The following FRMD5 variants were observed in gnomAD, a reference collection of about 807,000 sequenced individuals.
The protein encoded by FRMD5 is FERM domain containing 5.
A neutral mutation model predicts 69.0 loss-of-function variants in FRMD5; 20 were observed. The observed-to-expected ratio is 0.29, with a 90% CI of 0.20 to 0.42. The LOEUF is 0.42. Ranked by LOEUF, FRMD5 falls within the 10% of genes least tolerant of loss-of-function variation. The pLI, the probability that FRMD5 is intolerant of heterozygous loss-of-function variation, is 1.00. For missense variants in FRMD5, 595 were observed against 708.6 expected, an observed-to-expected ratio of 0.84 and a Z score of 1.82; for synonymous variants, 271 against 260.1, an observed-to-expected ratio of 1.04 and a Z score of -0.40.
intron 1 of FRMD5, among the ~76,000 whole-genome samples, chr15:44,076,336 T>C (rs1013136846): frequency 6.0e-5 from 9 of 150,662 alleles, no homozygotes; most frequent in African/African-American, 9.8e-5. Flanking sequence ...ATGTTTATTG[T>C]GGCATTATTC....
chr15:43,924,221 T>C lies in FRMD5; in HGVS notation c.191A>G (p.Asp64Gly), dbSNP rs2089543112. ...TTGACTTACCCGCTGCTTATCTGGGTCTACAAAGCGGATACCAAAATAGTC... is the reference window on the plus strand; with the variant it reads ...TTGACTTACCCGCTGCTTATCTGGGCCTACAAAGCGGATACCAAAATAGTC... ...EKDYFGIRFV[D>G]PDKQRHWLEF... Residue 64 changes from aspartate to glycine, a missense_variant, in exon 2 of 14, where the codon GAC (aspartate) becomes GGC (glycine). Asp to Gly is a moderately conservative substitution (Grantham distance 94, BLOSUM62 -1). This residue lies in a region of FRMD5 where 79 missense variants were observed against 139.9 expected (regional missense o/e 0.56). Coordinates refer to ENST00000417257, the MANE Select transcript of FRMD5 (RefSeq NM_032892.5). The C allele has an allele frequency of 1.9e-6, 3 of 1,613,636 alleles. No homozygotes were observed. The highest frequency in any genetic ancestry group is 1.7e-6 in the Non-Finnish European group (2 of 1,179,648).
rs151250700 is a variant in FRMD5 at position 44,120,818 on chromosome 15, G to A, written c.102+74135C>T. 7.9e-5 allele frequency among the ~76,000 whole-genome samples: 12 copies of A among 152,008 alleles called. No homozygotes were observed. In the East Asian group the frequency reaches 1.4e-3, roughly 17 times the overall value. ...GCTGGGACTACAGGCGTGAGCCACC[G>A]TGCCCAGCCGGGAAGAGTGGATTTT... is the stretch of plus-strand genomic sequence containing the variant. On this transcript the variant is annotated intron_variant, in intron 1 of 13. Transcript: ENST00000417257.
intron 1 of FRMD5, among the ~76,000 whole-genome samples, chr15:44,107,976 T>C (rs1339570417): frequency 1.3e-5 from 2 of 152,188 alleles, no homozygotes; most frequent in African/African-American, 4.8e-5. Flanking sequence ...TGGATTTTGT[T>C]AAGTAGTCAT....
intron 1 of FRMD5, among the ~76,000 whole-genome samples, chr15:44,019,788 A>G (rs1471431017): frequency 6.6e-6 from 1 of 151,124 alleles, no homozygotes; most frequent in Non-Finnish European, 1.5e-5. Context: ...GAAAAAAGAA[A>G]GAAAGAAAAA....
At chr15:43,874,715 C>T (rs1350249817) in intron 13 of FRMD5, among the ~76,000 whole-genome samples, 3 of 152,048 alleles carry the variant, frequency 2.0e-5, no homozygotes, top group East Asian at 1.9e-4. Context: ...GCCTGGCCAA[C>T]GTGGTGAAAC....
chr15:43,881,800 A>C (rs543812542), intron 13 of FRMD5, among the ~76,000 whole-genome samples: 6 of 152,314 alleles, frequency 3.9e-5, no homozygotes, highest in South Asian at 4.1e-4. Context: ...GACCATAGGG[A>C]GTTACATACT....
intron 1 of FRMD5, among the ~76,000 whole-genome samples, chr15:43,949,796 A>G (rs1595550603): frequency 6.6e-6 from 1 of 152,142 alleles, no homozygotes; most frequent in Non-Finnish European, 1.5e-5. Flanking sequence ...CCAGGAAAAT[A>G]CCCTGGACAC....
intron 1 of FRMD5, among the ~76,000 whole-genome samples, chr15:43,999,667 T>C (rs1890091978): frequency 6.6e-6 from 1 of 152,028 alleles, no homozygotes; most frequent in East Asian, 1.9e-4. Flanking sequence ...ATTCCACATA[T>C]GTGAGATCAT....
intron 10 of FRMD5, among the ~76,000 whole-genome samples, chr15:43,887,496 T>A (rs1433973922): frequency 6.6e-6 from 1 of 152,236 alleles, no homozygotes; most frequent in Non-Finnish European, 1.5e-5. Context: ...GGCTGCCGAT[T>A]CAGTGAATCC....
chr15:44,159,202 G>A (rs754547953), intron 1 of FRMD5, among the ~76,000 whole-genome samples: 1 of 152,106 alleles, frequency 6.6e-6, no homozygotes, highest in Non-Finnish European at 1.5e-5. Flanking sequence ...TGTACCTAAT[G>A]TCACTGAATT....
intron 4 of FRMD5, among the ~76,000 whole-genome samples, chr15:43,910,801 T>G (rs1414655568): frequency 6.6e-6 from 1 of 152,204 alleles, no homozygotes; most frequent in Non-Finnish European, 1.5e-5. Flanking sequence ...CTTATTTAAT[T>G]CTCACATGAC....
intron 7 of FRMD5, 102 bp downstream of exon 7, chr15:43,902,073 G>C: frequency 1.2e-6 from 1 of 800,832 alleles, no homozygotes; most frequent in Non-Finnish European, 2.2e-6. Context: ...TGCCAGCCAT[G>C]TAAACGTTGA....
At chr15:43,936,529 C>T (rs1430425999) in intron 1 of FRMD5, among the ~76,000 whole-genome samples, 2 of 152,076 alleles carry the variant, frequency 1.3e-5, no homozygotes, top group African/African-American at 4.8e-5. Flanking sequence ...TGACTATGAC[C>T]AGGCTAATTA....
intron 1 of FRMD5, among the ~76,000 whole-genome samples, chr15:44,042,199 C>A (rs543146950): frequency 6.6e-6 from 1 of 152,086 alleles, no homozygotes; most frequent in Non-Finnish European, 1.5e-5. Flanking sequence ...GGATAAATTC[C>A]GGGACACATA....
At chr15:43,897,423 G>A (rs1233168224) in intron 7 of FRMD5, among the ~76,000 whole-genome samples, 3 of 142,618 alleles carry the variant, frequency 2.1e-5, no homozygotes, top group Admixed American at 7.4e-5. Flanking sequence ...GGAGGCAGAG[G>A]TTGCAGTGAG....
At chr15:44,055,299 C>T (rs1220838205) in intron 1 of FRMD5, among the ~76,000 whole-genome samples, 1 of 152,050 alleles carries the variant, frequency 6.6e-6, no homozygotes, top group East Asian at 1.9e-4. Flanking sequence ...AGTAGTAGCA[C>T]TGTAGAAGCA....
At chr15:44,087,737 TATCATCATC>T (rs61525802) in intron 1 of FRMD5, among the ~76,000 whole-genome samples, 7,975 of 147,962 alleles carry the variant, frequency 0.054, 275 homozygotes, top group Middle Eastern at 0.099. Flanking sequence ...TATCAGCTGC[TATCATCATC>T]ATCATCATCA....
intron 1 of FRMD5, among the ~76,000 whole-genome samples, chr15:44,044,920 T>A (rs1467929829): frequency 6.6e-6 from 1 of 151,964 alleles, no homozygotes; most frequent in East Asian, 1.9e-4. Context: ...TAAAAAAAAA[T>A]TCTCATTCCC....
At chr15:44,180,613 T>C (rs1047304458) in intron 1 of FRMD5, among the ~76,000 whole-genome samples, 13 of 152,088 alleles carry the variant, frequency 8.5e-5, no homozygotes, top group African/African-American at 3.1e-4. Context: ...GGTGAAACCC[T>C]GTCTCCACTA....
Sources: allele counts gnomAD v4.1 joint callset (sites outside exome capture counted in the v4.1 genomes callset), GRCh38; gene constraint gnomAD v4.1.1; regional missense constraint gnomAD v4.1.1; transcripts MANE v1.5; gene names NCBI Gene and HGNC (gene_info 2026-07-23, HGNC 2026-07-21).